The following ZNF611 variants were observed in gnomAD, a reference collection of about 807,000 sequenced individuals.
The protein encoded by ZNF611 is zinc finger protein 611.
A neutral mutation model predicts 8.9 loss-of-function variants in ZNF611; 6 were observed. The observed-to-expected ratio is 0.68, with a 90% CI of 0.37 to 1.34. The LOEUF (loss-of-function observed/expected upper bound fraction) is 1.34. Ranked by LOEUF, ZNF611 falls within the 40% of genes most tolerant of loss-of-function variation. The pLI, the probability that ZNF611 is intolerant of heterozygous loss-of-function variation, is 0.02. For missense variants in ZNF611, 874 were observed against 841.3 expected (o/e 1.04, Z -0.48); for synonymous variants, 262 against 279.7 (o/e 0.94, Z 0.63).
intron 5 of ZNF611, among the ~76,000 whole-genome samples, chr19:52,713,544 A>G (rs1057194657): frequency 6.6e-6 from 1 of 152,156 alleles, no homozygotes; most frequent in Admixed American, 6.5e-5. Context: ...TCATTAGTTT[A>G]TGGGATGAAC....
At position 52,704,639 on chromosome 19, in the gene ZNF611, T is replaced by C; in HGVS notation, c.*298A>G. The C allele has an allele frequency of 2.5e-6, 4 of 1,587,552 alleles. No individual in the cohort carries two copies. Among genetic ancestry groups the C allele is most frequent in the Non-Finnish European group, 3.5e-6 (4 of 1,156,984 alleles). On this transcript the variant is annotated 3_prime_UTR_variant, in exon 6 of 6. Coordinates refer to ENST00000652185, the MANE Select transcript of ZNF611 (RefSeq NM_001161499.2). ...TCTTCATTATGGATTCTCCAATGAT[T>C]TGTAATCGTTGTAGCATTACTGAAG...
intron 5 of ZNF611, 147 bp downstream of exon 5, chr19:52,713,868 G>A (rs1355069255): frequency 1.4e-6 from 2 of 1,478,308 alleles, no homozygotes; most frequent in Admixed American, 2.2e-5. Context: ...TCCAGCCTCG[G>A]CAATAGGAGC....
intron 5 of ZNF611, among the ~76,000 whole-genome samples, chr19:52,710,635 A>C (rs1332008703): frequency 6.6e-6 from 1 of 152,158 alleles, no homozygotes; most frequent in African/African-American, 2.4e-5. Flanking sequence ...AAAGTGCTGG[A>C]ATTAGAGGCC....
rs531828632 is a variant in ZNF611 at position 52,725,991 on chromosome 19, G to C, written c.-20+2739C>G. Among the ~76,000 whole-genome samples, 5 of 152,370 alleles carry C rather than the reference G, an allele frequency of 3.3e-5. No individual in the cohort carries two copies. In the South Asian group the frequency reaches 8.3e-4, roughly 25 times the overall value. On this transcript the variant is annotated intron_variant, in intron 3 of 5. Coordinates refer to ENST00000652185, the MANE Select transcript of ZNF611 (RefSeq NM_001161499.2). ...AGGAAGGCTGAGGCATGATACAAAAGCCCTGGAATTATCTGGAACGGGAAT... is the reference window on the plus strand; with the variant it reads ...AGGAAGGCTGAGGCATGATACAAAACCCCTGGAATTATCTGGAACGGGAAT...
At chr19:52,716,137 C>A in intron 3 of ZNF611, 1 of 514,820 alleles carries the variant, frequency 1.9e-6, no homozygotes. Flanking sequence ...CCACCACACA[C>A]GAGGCAGCAG....
rs2062238789 is a variant in ZNF611, at chr19:52,705,872, C to T, written c.1183G>A (p.Glu395Lys). The T allele has an allele frequency of 1.2e-6, 2 of 1,614,012 alleles. No homozygotes were observed. Among genetic ancestry groups the T allele is most frequent in the African/African-American group, 2.7e-5 (2 of 74,894 alleles). ...IETHKRIHTG[E>K]KPYRCKVCDT... The stretch of plus-strand genomic sequence containing the variant: ...CAAACCTTACATCTGTATGGTTTCT[C>T]TCCAGTATGAATTCTCTTATGTGTC... Residue 395 changes from glutamate (E) to lysine (K), a missense_variant, in exon 6 of 6, where the codon GAG (glutamate) becomes AAG (lysine). Transcript: ENST00000652185.
At chr19:52,710,994 C>T (rs1383342995) in intron 5 of ZNF611, among the ~76,000 whole-genome samples, 2 of 150,368 alleles carry the variant, frequency 1.3e-5, no homozygotes, top group African/African-American at 4.9e-5. Flanking sequence ...GACTGCACCA[C>T]TGCAGTCCAG....
chr19:52,734,616 C>T (rs2062446394), intron 1 of ZNF611, among the ~76,000 whole-genome samples: 1 of 152,044 alleles, frequency 6.6e-6, no homozygotes, highest in African/African-American at 2.4e-5. Flanking sequence ...ACTCGGCCTC[C>T]CCGGGACTGG....
chr19:52,708,949 T>C (rs1158691118), intron 5 of ZNF611: 1 of 152,220 alleles, frequency 6.6e-6, no homozygotes, highest in East Asian at 1.9e-4. Flanking sequence ...TTTATATATA[T>C]GCATTCCCCA....
intron 4 of ZNF611, among the ~76,000 whole-genome samples, chr19:52,714,458 C>T (rs913177097): frequency 1.1e-4 from 16 of 151,800 alleles, no homozygotes; most frequent in African/African-American, 2.9e-4. Flanking sequence ...GAGGCCAAGG[C>T]GGGCAGATTA....
At chr19:52,712,612 T>G (rs1600312307) in intron 5 of ZNF611, among the ~76,000 whole-genome samples, 4 of 149,192 alleles carry the variant, frequency 2.7e-5, no homozygotes, top group Middle Eastern at 3.5e-3. Flanking sequence ...CACTCCAGCA[T>G]GGGTGACAGA....
intron 3 of ZNF611, among the ~76,000 whole-genome samples, chr19:52,722,089 C>T (rs1186217440): frequency 4.0e-5 from 6 of 151,752 alleles, no homozygotes; most frequent in Admixed American, 1.3e-4. Flanking sequence ...AGGCCAGGTG[C>T]GGTGGCTCAT....
At position 52,703,985 on chromosome 19, in the gene ZNF611, AT is replaced by A. The variant is rs1268884628; in HGVS notation, c.*951del. 1 of 185,402 alleles carries A rather than the reference AT, an allele frequency of 5.4e-6. No individual in the cohort carries two copies. Among genetic ancestry groups the A allele is most frequent in the Admixed American group, 5.5e-5 (1 of 18,030 alleles). 11.5% of individuals were successfully genotyped at this position (185,402 alleles called of 1,614,324 possible). On this transcript the variant is annotated 3_prime_UTR_variant, in exon 6 of 6. Transcript: ENST00000652185. ...CTTTAAAAAGTACTGGCTCAAAAAAATAATAGAAAATAAGAAACAAAAAACA... is the reference window on the plus strand; with the variant it reads ...CTTTAAAAAGTACTGGCTCAAAAAAAAATAGAAAATAAGAAACAAAAAACA...
chr19:52,730,249 G>A (rs189370817), intron 1 of ZNF611, among the ~76,000 whole-genome samples: 81 of 151,876 alleles, frequency 5.3e-4, no homozygotes, highest in African/African-American at 1.7e-3. Flanking sequence ...AAAATTAGCC[G>A]GGCATAGTGG....
rs753817674 is a variant in ZNF611, at chr19:52,706,340, C to T, written c.715G>A (p.Ala239Thr). ...KSFQCNKSGKAFNCSSLLRKH... is the reference protein window; with the variant it reads ...KSFQCNKSGKTFNCSSLLRKH... ...CTTAAGAGTGAGCTACAATTAAAGG[C>T]TTTGCCACTCTTATTACATTGGAAA... The change falls in exon 6 of 6, where the codon GCC becomes ACC. Residue 239 changes from alanine to threonine, a missense_variant. Coordinates refer to ENST00000652185, the MANE Select transcript of ZNF611 (RefSeq NM_001161499.2). The T allele has an allele frequency of 6.2e-7, 1 of 1,614,154 alleles. No individual in the cohort carries two copies. The highest frequency in any genetic ancestry group is 1.1e-5 in the South Asian group (1 of 91,086).
chr19:52,715,440 T>A (rs1405566101), intron 4 of ZNF611, among the ~76,000 whole-genome samples: 2 of 152,224 alleles, frequency 1.3e-5, no homozygotes, highest in African/African-American at 4.8e-5. Context: ...CTCCTTATTA[T>A]TCTCCTTTTC....
chr19:52,719,482 A>AC (rs2062340162), intron 3 of ZNF611, among the ~76,000 whole-genome samples: 1 of 152,154 alleles, frequency 6.6e-6, no homozygotes, highest in South Asian at 2.1e-4. Context: ...CACCACACTT[A>AC]GACACAGGAG....
chr19:52,726,604 G>C (rs59047182), intron 3 of ZNF611, among the ~76,000 whole-genome samples: 5,566 of 151,834 alleles, frequency 0.037, 309 homozygotes, highest in African/African-American at 0.12. Flanking sequence ...ATTTTTAGTA[G>C]AGAAGGGGTT....
In ZNF611 at chr19:52,705,077, C is replaced by T. The variant is rs200121663; in HGVS notation, c.1978G>A (p.Val660Met). The T allele has an allele frequency of 5.3e-5, 86 of 1,614,046 alleles. No homozygotes were observed. In the Middle Eastern group the frequency reaches 9.9e-4, roughly 19 times the overall value. ...TGTCTTGACAGGAGTGAATTACGCA[C>T]GAAAGCCTTGTCACAAATTGTACAT... ...YKCTICDKAF[V>M]RNSLLSRHTR... The change falls in exon 6 of 6, where the codon GTG becomes ATG. Residue 660 changes from valine (V) to methionine (M), a missense_variant. Physicochemically the swap from Val to Met is conservative, Grantham distance 21. Coordinates refer to ENST00000652185, the MANE Select transcript of ZNF611 (RefSeq NM_001161499.2).
Sources: allele counts gnomAD v4.1 joint callset (sites outside exome capture counted in the v4.1 genomes callset), GRCh38; gene constraint gnomAD v4.1.1; transcripts MANE v1.5; gene names NCBI Gene and HGNC (gene_info 2026-07-23, HGNC 2026-07-21).